Variants in PSD3 observed in about 807,000 individuals in gnomAD.
The protein encoded by PSD3 is pleckstrin and Sec7 domain containing 3, also known as PH and SEC7 domain-containing protein 3.
A neutral mutation model predicts 105.5 loss-of-function variants in PSD3; 49 were observed. The ratio of observed to expected loss-of-function variants is 0.46; its 90% CI spans 0.37 to 0.59. The LOEUF (loss-of-function observed/expected upper bound fraction) is 0.59. PSD3 is among the 20% of genes least tolerant of loss of function. The pLI, the probability that PSD3 is intolerant of heterozygous loss-of-function variation, is 0.00. For missense variants in PSD3, 1,561 were observed against 1,263.8 expected, an observed-to-expected ratio of 1.24 and a Z score of -3.57; for synonymous variants, 557 against 457.8, an observed-to-expected ratio of 1.22 and a Z score of -2.77.
chr8:18,761,587 C>T (rs1340177600), intron 9 of PSD3, among the ~76,000 whole-genome samples: 1 of 152,148 alleles, frequency 6.6e-6, no homozygotes, highest in East Asian at 1.9e-4. Flanking sequence ...AAATCATAAT[C>T]TCAATCCTCA....
At chr8:18,922,654 C>A (rs1270118993) in intron 2 of PSD3, among the ~76,000 whole-genome samples, 24 of 152,296 alleles carry the variant, frequency 1.6e-4, no homozygotes, top group African/African-American at 5.3e-4. Flanking sequence ...TCCAAGACTG[C>A]CCCTTCCCTT....
intron 6 of PSD3, chr8:18,803,388 ACTGTGTGTGTGTGTGT>A (rs1295702848): frequency 3.5e-5 from 1 of 28,650 alleles, no homozygotes; most frequent in African/African-American, 2.0e-4. Flanking sequence ...CAATCTATAA[ACTGTGTGTGTGTGTGT>A]GTGTGTGTGT....
At chr8:18,655,090 G>A (rs1330682998) in intron 10 of PSD3, among the ~76,000 whole-genome samples, 1 of 152,026 alleles carries the variant, frequency 6.6e-6, no homozygotes, top group Non-Finnish European at 1.5e-5. Flanking sequence ...TTGGGAGGCC[G>A]AGGCAGGTGG....
chr8:18,727,888 T>C (rs1032140372), intron 9 of PSD3, among the ~76,000 whole-genome samples: 1 of 152,174 alleles, frequency 6.6e-6, no homozygotes, highest in Non-Finnish European at 1.5e-5. Context: ...CCTACTAGTC[T>C]ACTAAGCTAC....
chr8:18,788,856 T>A (rs1258978046), intron 8 of PSD3, among the ~76,000 whole-genome samples: 2 of 152,194 alleles, frequency 1.3e-5, no homozygotes, highest in African/African-American at 4.8e-5. Context: ...TTTTGCATGC[T>A]TTGCTATCAA....
At chr8:18,823,098 GAAA>G (rs11327176) in intron 4 of PSD3, among the ~76,000 whole-genome samples, 6 of 139,304 alleles carry the variant, frequency 4.3e-5, no homozygotes, top group Admixed American at 7.1e-5. Flanking sequence ...GGAGAGACAG[GAAA>G]AAAAAAAAAA....
intron 1 of PSD3, among the ~76,000 whole-genome samples, chr8:19,042,728 T>C (rs967880064): frequency 1.3e-5 from 2 of 152,226 alleles, no homozygotes; most frequent in African/African-American, 4.8e-5. Flanking sequence ...TACAATGCTA[T>C]TGAGCACAGA....
chr8:18,539,595 T>G (rs1303778446), intron 15 of PSD3, among the ~76,000 whole-genome samples: 1 of 150,344 alleles, frequency 6.7e-6, no homozygotes, highest in Admixed American at 6.6e-5. Context: ...GTCTCCAGGC[T>G]GGAGGGCAGT....
chr8:18,627,457 G>A (rs1806569304), intron 11 of PSD3, among the ~76,000 whole-genome samples: 1 of 152,020 alleles, frequency 6.6e-6, no homozygotes, highest in African/African-American at 2.4e-5. Context: ...AAAGTAGTGG[G>A]ATGGACAATT....
intron 10 of PSD3, among the ~76,000 whole-genome samples, chr8:18,636,984 A>C (rs763256399): frequency 6.6e-6 from 1 of 152,192 alleles, no homozygotes; most frequent in Non-Finnish European, 1.5e-5. Context: ...ATTTATATTA[A>C]CACCACCAAA....
intron 1 of PSD3, among the ~76,000 whole-genome samples, chr8:19,082,060 A>C (rs1437081485): frequency 6.6e-6 from 1 of 152,206 alleles, no homozygotes; most frequent in African/African-American, 2.4e-5. Flanking sequence ...TACATTCTAA[A>C]ACATGAAAGG....
chr8:18,659,636 T>G (rs1809182493), intron 9 of PSD3, among the ~76,000 whole-genome samples: 1 of 152,234 alleles, frequency 6.6e-6, no homozygotes, highest in African/African-American at 2.4e-5. Flanking sequence ...CTTGTGCCTC[T>G]CTTAGAATAT....
At chr8:18,589,405 T>C (rs2717729) in intron 12 of PSD3, among the ~76,000 whole-genome samples, 121,918 of 152,052 alleles carry the variant, frequency 0.8, 49,445 homozygotes, top group South Asian at 0.92. Flanking sequence ...TAACTCCATA[T>C]CTCTTTCTAC....
intron 12 of PSD3, among the ~76,000 whole-genome samples, chr8:18,590,456 G>C (rs1803516330): frequency 6.6e-6 from 1 of 152,162 alleles, no homozygotes; most frequent in Non-Finnish European, 1.5e-5. Context: ...AATCCTTTCA[G>C]ATCCTTTCCT....
At chr8:18,910,625 CT>C (rs1187361676) in intron 2 of PSD3, among the ~76,000 whole-genome samples, 12 of 88,572 alleles carry the variant, frequency 1.4e-4, no homozygotes, top group East Asian at 1.0e-3. Context: ...TACCCTAAAA[CT>C]TAGAGTATAA....
chr8:18,838,095 T>C (rs1392217311), intron 4 of PSD3, among the ~76,000 whole-genome samples: 1 of 152,226 alleles, frequency 6.6e-6, no homozygotes, highest in Non-Finnish European at 1.5e-5. Context: ...ATGAATCATA[T>C]GGCTTAACTC....
chr8:18,689,849 G>A (rs1401087683), intron 9 of PSD3, among the ~76,000 whole-genome samples: 1 of 152,174 alleles, frequency 6.6e-6, no homozygotes, highest in Non-Finnish European at 1.5e-5. Flanking sequence ...AGAGCTGGGA[G>A]AGGCCTCAGC....
At chr8:18,632,026 T>C (rs996483755) in intron 11 of PSD3, among the ~76,000 whole-genome samples, 7 of 151,986 alleles carry the variant, frequency 4.6e-5, no homozygotes, top group African/African-American at 1.7e-4. Context: ...ATCAAGATAA[T>C]CATGCCTCAC....
At chr8:18,927,009 A>G (rs1220038567) in intron 2 of PSD3, among the ~76,000 whole-genome samples, 1 of 152,112 alleles carries the variant, frequency 6.6e-6, no homozygotes, top group Admixed American at 6.6e-5. Context: ...TTAATTAGCT[A>G]GAGTGCCTCA....
Sources: gnomAD v4.1 joint callset for allele counts (sites outside exome capture counted in the v4.1 genomes callset) on GRCh38, gnomAD v4.1.1 for gene constraint, MANE v1.5 for transcripts, NCBI Gene and HGNC (gene_info 2026-07-23, HGNC 2026-07-21) for gene names.